The following SHANK2 variants were observed in gnomAD, a reference collection of about 807,000 sequenced individuals.
SHANK2 encodes SH3 and multiple ankyrin repeat domains protein 2.
In SHANK2, 43 loss-of-function variants were observed where a neutral mutation model predicts 133.7. The observed-to-expected ratio is 0.32, with a 90% CI of 0.25 to 0.41. The LOEUF (loss-of-function observed/expected upper bound fraction) is 0.41. SHANK2 is among the 10% of genes least tolerant of loss of function. The probability of loss-of-function intolerance (pLI) is 1.00; values close to 1 mark genes in which losing one functional copy is unlikely to be tolerated. For synonymous variants in SHANK2, 1,017 were observed against 952.8 expected, an observed-to-expected ratio of 1.07 and a Z score of -1.24; for missense variants, 1,994 against 2,235.8, an observed-to-expected ratio of 0.89 and a Z score of 2.18.
intron 17 of SHANK2, among the ~76,000 whole-genome samples, chr11:70,555,472 G>A (rs1464137892): frequency 5.9e-5 from 9 of 152,222 alleles, no homozygotes; most frequent in African/African-American, 2.2e-4. Context: ...TGGGCTGGGT[G>A]GGGCGGCTCA....
At chr11:70,545,767 C>T (rs1457933696) in intron 17 of SHANK2, among the ~76,000 whole-genome samples, 2 of 152,194 alleles carry the variant, frequency 1.3e-5, no homozygotes, top group Non-Finnish European at 2.9e-5. Flanking sequence ...ACCCTGCGGG[C>T]GAAGGGCCCA....
At chr11:70,507,194 G>A (rs551516405) in intron 17 of SHANK2, among the ~76,000 whole-genome samples, 2 of 152,278 alleles carry the variant, frequency 1.3e-5, no homozygotes, top group South Asian at 2.1e-4. Flanking sequence ...GGGCCCTGAC[G>A]TCACCTTCTC....
At chr11:71,103,825 T>C (rs529538701) in intron 6 of SHANK2, among the ~76,000 whole-genome samples, 1 of 148,358 alleles carries the variant, frequency 6.7e-6, no homozygotes, top group South Asian at 2.2e-4. Flanking sequence ...GTGTGGCACC[T>C]CTCTCTCTCT....
intron 21 of SHANK2, among the ~76,000 whole-genome samples, chr11:70,497,435 C>T (rs1321802094): frequency 6.6e-6 from 1 of 152,210 alleles, no homozygotes; most frequent in Admixed American, 6.5e-5. Context: ...TGACAGAAAA[C>T]AAACAAGCCT....
At chr11:70,564,026 G>A (rs1234163858) in intron 17 of SHANK2, among the ~76,000 whole-genome samples, 4 of 151,858 alleles carry the variant, frequency 2.6e-5, no homozygotes, top group East Asian at 1.9e-4. Context: ...TTTCTCTTTC[G>A]TCTTCATGTG....
chr11:70,734,337 T>C (rs1555032990), intron 14 of SHANK2, among the ~76,000 whole-genome samples: 1 of 151,822 alleles, frequency 6.6e-6, no homozygotes, highest in Non-Finnish European at 1.5e-5. Context: ...CCGAGGGAGG[T>C]CGAGTGAAGG....
intron 17 of SHANK2, among the ~76,000 whole-genome samples, chr11:70,616,525 G>C (rs578084467): frequency 5.3e-5 from 8 of 152,312 alleles, no homozygotes; most frequent in African/African-American, 1.9e-4. Flanking sequence ...GAAAGTCCAG[G>C]GATGAGGGAG....
intron 17 of SHANK2, among the ~76,000 whole-genome samples, chr11:70,549,340 T>G (rs529802853): frequency 1.3e-5 from 2 of 152,334 alleles, no homozygotes; most frequent in African/African-American, 4.8e-5. Context: ...AAGTTTCTTC[T>G]GCCTCTCTCA....
At chr11:70,850,440 G>A (rs1289360425) in intron 11 of SHANK2, among the ~76,000 whole-genome samples, 1 of 152,162 alleles carries the variant, frequency 6.6e-6, no homozygotes, top group Non-Finnish European at 1.5e-5. Flanking sequence ...TGGGGGCCAG[G>A]GTGGTGTGGT....
At chr11:71,086,468 A>G (rs1230318414) in intron 8 of SHANK2, among the ~76,000 whole-genome samples, 2 of 138,104 alleles carry the variant, frequency 1.4e-5, no homozygotes, top group African/African-American at 5.4e-5. Context: ...ATAATTATGT[A>G]ATATATAATT....
chr11:70,817,790 A>G (rs2135330296), intron 12 of SHANK2, among the ~76,000 whole-genome samples: 1 of 152,304 alleles, frequency 6.6e-6, no homozygotes, highest in East Asian at 1.9e-4. Context: ...GCCGGAGTGC[A>G]GTGGTGCCAT....
intron 10 of SHANK2, among the ~76,000 whole-genome samples, chr11:70,897,388 TAATGTA>T (rs1555075902): frequency 2.6e-5 from 4 of 152,212 alleles, no homozygotes; most frequent in African/African-American, 9.7e-5. Context: ...TGTCAAGTCA[TAATGTA>T]AGTGGACCTT....
At chr11:70,863,870 A>G (rs1490077664) in intron 11 of SHANK2, 1 of 457,578 alleles carries the variant, frequency 2.2e-6, no homozygotes, top group African/African-American at 2.0e-5. Context: ...GCAAGCCAGG[A>G]GGAGAGGCCT....
At chr11:70,794,033 C>A (rs1947853941) in intron 14 of SHANK2, among the ~76,000 whole-genome samples, 1 of 152,142 alleles carries the variant, frequency 6.6e-6, no homozygotes, top group Admixed American at 6.5e-5. Context: ...GTAATCCCAG[C>A]ATTTTGGGAG....
At position 70,912,099 on chromosome 11, in the gene SHANK2, AAAAAAAAAAAAAAAAAGAAAG is replaced by A. The variant is rs1312183035; in HGVS notation, c.1108-15553_1108-15533del. Among the ~76,000 whole-genome samples the A allele has an allele frequency of 1.6e-4, 22 of 137,406 alleles. 1 individual carries two copies. Among genetic ancestry groups the A allele is most frequent in the African/African-American group, 6.5e-4 (21 of 32,214 alleles). The allele number at this position is 137,406 out of a possible 152,430, so 90.1% of individuals were successfully genotyped here. On this transcript the variant is annotated intron_variant, in intron 10 of 25. Coordinates refer to ENST00000601538, the MANE Select transcript of SHANK2 (RefSeq NM_012309.5). ...TCTGTCAAAAAAAAAAAAAAAAAAA[AAAAAAAAAAAAAAAAAGAAAG>A]AAAGAAAGAAAGAAAAGAGAAGAGA...
intron 4 of SHANK2, among the ~76,000 whole-genome samples, chr11:71,117,712 C>T (rs186445775): frequency 1.4e-3 from 214 of 152,324 alleles, no homozygotes; most frequent in African/African-American, 5.1e-3. Context: ...GGGTGGTGCA[C>T]GCCCAACTCC....
chr11:70,673,248 G>A (rs1399091052), intron 15 of SHANK2, among the ~76,000 whole-genome samples: 1 of 151,586 alleles, frequency 6.6e-6, no homozygotes, highest in East Asian at 1.9e-4. Flanking sequence ...GCAGGGCCAA[G>A]TCACACTGAA....
chr11:70,798,326 C>T lies in SHANK2; in HGVS notation c.1777+117G>A, dbSNP rs572320964. 15 of 680,486 alleles carry T rather than the reference C, an allele frequency of 2.2e-5. 1 individual carries two copies. Among genetic ancestry groups the T allele is most frequent in the Admixed American group, 6.1e-5 (3 of 49,392 alleles). 42.2% of individuals were successfully genotyped at this position (680,486 alleles called of 1,614,324 possible). A position where few individuals can be genotyped will look rare whatever the true frequency, so the allele number is the denominator to read the frequency against. ...CCAAAGATCTAGAAAGTCCTGAATTCGCAACTCAGCCTCCCTCTACGACGC... is the reference window on the plus strand; with the variant it reads ...CCAAAGATCTAGAAAGTCCTGAATTTGCAACTCAGCCTCCCTCTACGACGC... On this transcript the variant is annotated intron_variant, in intron 14 of 25. Transcript: ENST00000601538.
intron 6 of SHANK2, among the ~76,000 whole-genome samples, chr11:71,104,649 C>T (rs541327075): frequency 6.6e-6 from 1 of 152,304 alleles, no homozygotes; most frequent in South Asian, 2.1e-4. Context: ...CTGAGAGCAC[C>T]CACCCTGGTT....
Sources: allele counts gnomAD v4.1 joint callset (sites outside exome capture counted in the v4.1 genomes callset), GRCh38; gene constraint gnomAD v4.1.1; transcripts MANE v1.5; gene names NCBI Gene and HGNC (gene_info 2026-07-23, HGNC 2026-07-21).